Variants in STX7 observed in about 807,000 individuals in gnomAD.
STX7 encodes syntaxin-7.
STX7 carries 34 observed loss-of-function variants against 39.6 expected under a neutral mutation model. That is an observed-to-expected ratio of 0.86 (90% CI 0.65 to 1.14). The LOEUF (loss-of-function observed/expected upper bound fraction) is 1.14. Ranked by LOEUF, STX7 falls within the 50% of genes most tolerant of loss-of-function variation. The pLI is 0.00. For synonymous variants in STX7, 119 were observed against 99.1 expected, an observed-to-expected ratio of 1.20 and a Z score of -1.19; for missense variants, 284 against 310.4, an observed-to-expected ratio of 0.92 and a Z score of 0.64.
intron 9 of STX7, among the ~76,000 whole-genome samples, chr6:132,462,249 C>A (rs561623340): frequency 2.0e-5 from 3 of 152,300 alleles, no homozygotes; most frequent in African/African-American, 7.2e-5. Context: ...TTAGGGTTCA[C>A]CCAAACATAT....
intron 2 of STX7, among the ~76,000 whole-genome samples, chr6:132,500,772 T>C (rs1775537745): frequency 6.6e-6 from 1 of 152,178 alleles, no homozygotes; most frequent in Non-Finnish European, 1.5e-5. Context: ...GAACCATTAT[T>C]CCTATGTTTA....
chr6:132,456,987 C>T lies in STX7; in HGVS notation c.*3771G>A, dbSNP rs1328166738. 6.6e-6 allele frequency: 1 copy of T among 152,350 alleles called. No individual in the cohort carries two copies. Among genetic ancestry groups the T allele is most frequent in the African/African-American group, 2.4e-5 (1 of 41,460 alleles). 9.4% of individuals were successfully genotyped at this position (152,350 alleles called of 1,614,324 possible). On this transcript the variant is annotated 3_prime_UTR_variant, in exon 10 of 10. Transcript: ENST00000367941. ...CAGTTTCAAAATCTCTTGCAAGGCA[C>T]TGGCTTTGGAGCTATTAACAGCTGA...
At chr6:132,465,097 T>C (rs1253663480) in intron 8 of STX7, among the ~76,000 whole-genome samples, 1 of 152,184 alleles carries the variant, frequency 6.6e-6, no homozygotes, top group Non-Finnish European at 1.5e-5. Context: ...TTATACATAC[T>C]GGTGACTTCA....
chr6:132,491,028 G>GCACAGCAC (rs1554250963), intron 2 of STX7, among the ~76,000 whole-genome samples: 14 of 151,822 alleles, frequency 9.2e-5, no homozygotes, highest in Non-Finnish European at 1.2e-4. Context: ...GCACAGCAGA[G>GCACAGCAC]AGAATAGAGC....
At chr6:132,492,351 TG>T (rs1775312336) in intron 2 of STX7, among the ~76,000 whole-genome samples, 1 of 152,252 alleles carries the variant, frequency 6.6e-6, no homozygotes. Flanking sequence ...GGTATGTTTT[TG>T]TCATTGTTTC....
At chr6:132,504,607 C>T (rs1775652369) in intron 1 of STX7, among the ~76,000 whole-genome samples, 1 of 152,194 alleles carries the variant, frequency 6.6e-6, no homozygotes, top group South Asian at 2.1e-4. Flanking sequence ...GAGCCTGGTA[C>T]ATGCCCAGCA....
intron 1 of STX7, among the ~76,000 whole-genome samples, chr6:132,510,762 A>G (rs9493343): frequency 0.08 from 12,191 of 152,208 alleles, 644 homozygotes; most frequent in East Asian, 0.16. Flanking sequence ...CAAACACTAT[A>G]AAGAGAAAAA....
At chr6:132,461,883 A>G in intron 9 of STX7, 1 of 1,535,578 alleles carries the variant, frequency 6.5e-7, no homozygotes, top group South Asian at 1.2e-5. Context: ...AAAAATTTGT[A>G]AATTTACTTT....
chr6:132,493,365 C>G (rs1199276918), intron 2 of STX7, among the ~76,000 whole-genome samples: 1 of 152,126 alleles, frequency 6.6e-6, no homozygotes, highest in Non-Finnish European at 1.5e-5. Context: ...CCCACCCAAA[C>G]CACATCTTGA....
Position 132,455,647 on chromosome 6 carries a change from C to A in STX7, c.*5111G>T, listed in dbSNP as rs1774225969. ...CACTCTAAGCAATTAAGTGACCAAC[C>A]TCTTAAAAACTTGCCAGAAGCTACA... On this transcript the variant is annotated 3_prime_UTR_variant, in exon 10 of 10. Transcript: ENST00000367941. The A allele has an allele frequency of 6.6e-6, 1 of 152,144 alleles. No homozygotes were observed. The highest frequency in any genetic ancestry group is 1.5e-5 in the Non-Finnish European group (1 of 68,036). The allele number at this position is 152,144 out of a possible 1,614,324, so 9.4% of individuals were successfully genotyped here.
chr6:132,477,777 AC>A (rs1476301147), intron 2 of STX7, among the ~76,000 whole-genome samples: 1 of 152,174 alleles, frequency 6.6e-6, no homozygotes, highest in Non-Finnish European at 1.5e-5. Flanking sequence ...GTGTTCATAT[AC>A]ACACAGGAGA....
chr6:132,504,578 T>G (rs1775651895), intron 1 of STX7, among the ~76,000 whole-genome samples: 2 of 152,220 alleles, frequency 1.3e-5, no homozygotes, highest in South Asian at 4.1e-4. Flanking sequence ...GGTCAATTTG[T>G]AAGCTAGCTC....
intron 9 of STX7, among the ~76,000 whole-genome samples, chr6:132,462,020 G>A (rs1003056085): frequency 1.3e-5 from 2 of 152,058 alleles, no homozygotes; most frequent in Non-Finnish European, 2.9e-5. Context: ...TACTCCTTAC[G>A]TATCAAACAC....
At chr6:132,479,363 C>T (rs72998851) in intron 2 of STX7, among the ~76,000 whole-genome samples, 4,321 of 152,118 alleles carry the variant, frequency 0.028, 92 homozygotes, top group Non-Finnish European at 0.045. Flanking sequence ...TTCAGGGCAC[C>T]GAAGAAAACT....
rs192468366 is a variant in STX7, at chr6:132,488,175, A to C, written c.86-12513T>G. Among the ~76,000 whole-genome samples, 9 of 152,218 alleles carry C rather than the reference A, an allele frequency of 5.9e-5. No individual in the cohort carries two copies. The East Asian group carries it at 1.5e-3, about 26-fold the overall frequency. On this transcript the variant is annotated intron_variant, in intron 2 of 9. Coordinates refer to ENST00000367941, the MANE Select transcript of STX7 (RefSeq NM_003569.3). ...TATTTGAAATGTGTTTGGTTTTCAA[A>C]CATTAGGGGATTTTCCAGGGATCTT...
In STX7 at chr6:132,512,100, G is replaced by A. The variant is rs1384928979; in HGVS notation, c.-59+907C>T. ...CACCGTTATCAGCCTCTGCCCAGGT[G>A]TGCTCAGAGAACCTGCAGAAGAAAT... On this transcript the variant is annotated intron_variant, in intron 1 of 9. Coordinates refer to ENST00000367941, the MANE Select transcript of STX7 (RefSeq NM_003569.3). 3.3e-5 allele frequency among the ~76,000 whole-genome samples: 5 copies of A among 152,022 alleles called. No individual in the cohort carries two copies. In the East Asian group the frequency reaches 9.6e-4, roughly 29 times the overall value.
chr6:132,486,919 A>T lies in STX7; in HGVS notation c.86-11257T>A, dbSNP rs143357597. On this transcript the variant is annotated intron_variant, in intron 2 of 9. Transcript: ENST00000367941. Reference sequence around the variant, plus strand: ...CGACATCAGGTGATTCGCCAGCCTCAGCCTCCCAAAGTGCTGGGATTACAG... The same window carrying T: ...CGACATCAGGTGATTCGCCAGCCTCTGCCTCCCAAAGTGCTGGGATTACAG... 4.8e-3 allele frequency among the ~76,000 whole-genome samples: 732 copies of T among 152,226 alleles called. 12 individuals are homozygous for T. Among genetic ancestry groups the T allele is most frequent in the African/African-American group, 0.016 (685 of 41,540 alleles).
intron 3 of STX7, among the ~76,000 whole-genome samples, chr6:132,473,494 TCA>T (rs1337709377): frequency 6.7e-6 from 1 of 149,720 alleles, no homozygotes; most frequent in African/African-American, 2.4e-5. Context: ...ATTTTATAGT[TCA>T]GTTTTTTTTT....
At chr6:132,461,460 C>T (rs1774396432) in intron 9 of STX7, among the ~76,000 whole-genome samples, 1 of 152,196 alleles carries the variant, frequency 6.6e-6, no homozygotes, top group East Asian at 1.9e-4. Context: ...GCGCGTGCCA[C>T]CACACCCAGC....
Sources: allele counts gnomAD v4.1 joint callset (sites outside exome capture counted in the v4.1 genomes callset), GRCh38; gene constraint gnomAD v4.1.1; transcripts MANE v1.5; gene names NCBI Gene and HGNC (gene_info 2026-07-23, HGNC 2026-07-21).